DHRSX: variants seen among roughly 807,000 people sequenced by gnomAD.
DHRSX encodes the protein dehydrogenase/reductase X-linked.
DHRSX carries 31 observed loss-of-function variants against 34.0 expected under a neutral mutation model. That is an observed-to-expected ratio of 0.91 (90% CI 0.69 to 1.23). The LOEUF (loss-of-function observed/expected upper bound fraction) is 1.23. Among genes scored for constraint, DHRSX ranks in the 50% most tolerant of loss-of-function variants. The probability of loss-of-function intolerance (pLI) is 0.00; values close to 1 mark genes in which losing one functional copy is unlikely to be tolerated. For synonymous variants in DHRSX, 201 were observed against 183.8 expected, an observed-to-expected ratio of 1.09 and a Z score of -0.76; for missense variants, 414 against 428.1, an observed-to-expected ratio of 0.97 and a Z score of 0.29.
At chrX:2,307,485 G>C (rs2042112431) in intron 3 of DHRSX, among the ~76,000 whole-genome samples, 1 of 152,044 alleles carries the variant, frequency 6.6e-6, no homozygotes, top group Non-Finnish European at 1.5e-5. Flanking sequence ...AACAAGGCCG[G>C]GGGGTGGGTG....
chrX:2,276,837 GGAGA>G (rs766631316), intron 4 of DHRSX, among the ~76,000 whole-genome samples: 1 of 135,262 alleles, frequency 7.4e-6, no homozygotes, highest in Non-Finnish European at 1.6e-5. Flanking sequence ...GAGGGAACAG[GGAGA>G]GAGAGGGAGG....
chrX:2,226,608 G>C (rs1343287705), intron 6 of DHRSX, among the ~76,000 whole-genome samples: 1 of 152,172 alleles, frequency 6.6e-6, no homozygotes, highest in East Asian at 1.9e-4. Context: ...AGACCATCCT[G>C]GCTAACACAG....
intron 6 of DHRSX, among the ~76,000 whole-genome samples, chrX:2,227,733 AGGG>A (rs1222222018): frequency 1.1e-3 from 2 of 1,872 alleles, no homozygotes; most frequent in Non-Finnish European, 1.9e-3. Flanking sequence ...GGAGGGAGGG[AGGG>A]AGGGAAGGAT....
intron 1 of DHRSX, among the ~76,000 whole-genome samples, chrX:2,431,141 C>T (rs777404870): frequency 1.8e-4 from 27 of 152,008 alleles, no homozygotes; most frequent in Non-Finnish European, 2.5e-4. Flanking sequence ...CTGGCTAACA[C>T]GGTGAAACCC....
chrX:2,468,236 A>C (rs955540694), intron 1 of DHRSX, among the ~76,000 whole-genome samples: 1 of 152,142 alleles, frequency 6.6e-6, no homozygotes, highest in Admixed American at 6.5e-5. Context: ...GAAGCCTGTG[A>C]TGTGATTCAG....
intron 3 of DHRSX, among the ~76,000 whole-genome samples, chrX:2,397,717 C>T (rs1374548810): frequency 2.0e-5 from 3 of 152,086 alleles, no homozygotes; most frequent in Non-Finnish European, 4.4e-5. Context: ...TAAACCCACT[C>T]GATAATCTTT....
rs190988721 is a variant in DHRSX, at chrX:2,288,766, T to C, written c.388+2736A>G. 5.2e-4 allele frequency among the ~76,000 whole-genome samples: 79 copies of C among 152,316 alleles called. 1 individual carries two copies. The highest frequency in any genetic ancestry group is 9.1e-4 in the Non-Finnish European group (62 of 68,026). On this transcript the variant is annotated intron_variant, in intron 4 of 6. Coordinates refer to ENST00000334651, the MANE Select transcript of DHRSX (RefSeq NM_145177.3). ...AGTAAACCCAATATGTGCATGAGAT[T>C]TTCTACAGAAGAGATAGGGTACAGA...
chrX:2,489,528 C>G, intron 1 of DHRSX: 1 of 1,613,016 alleles, frequency 6.2e-7, no homozygotes, highest in Non-Finnish European at 8.5e-7. Flanking sequence ...AGGAGCTCCA[C>G]CAGCCCCTCG....
Position 2,243,810 on chromosome X carries a change from T to TTG in DHRSX, c.597-581_597-580insCA, listed in dbSNP as rs1569478906. 2.4e-4 allele frequency among the ~76,000 whole-genome samples: 26 copies of TTG among 108,176 alleles called. 2 individuals carry two copies. Among genetic ancestry groups the TTG allele is most frequent in the South Asian group, 6.0e-4 (2 of 3,346 alleles). 71.0% of individuals were successfully genotyped at this position (108,176 alleles called of 152,430 possible). A position where few individuals can be genotyped will look rare whatever the true frequency, so the allele number is the denominator to read the frequency against. The stretch of plus-strand genomic sequence containing the variant: ...CCTGTTTTTTTTTTTTTTTTTTTTT[T>TTG]TTTTTTTTTTTTGAGACAGATTCTC... On this transcript the variant is annotated intron_variant, in intron 5 of 6. Transcript: ENST00000334651.
chrX:2,366,333 C>T (rs1404357041), intron 3 of DHRSX, among the ~76,000 whole-genome samples: 3 of 151,514 alleles, frequency 2.0e-5, no homozygotes, highest in South Asian at 2.1e-4. Flanking sequence ...CCCAGCTACT[C>T]GGGAGGCTGA....
At chrX:2,461,821 T>A (rs2044406093) in intron 1 of DHRSX, among the ~76,000 whole-genome samples, 1 of 152,160 alleles carries the variant, frequency 6.6e-6, no homozygotes, top group Admixed American at 6.5e-5. Flanking sequence ...CACCTCTGCC[T>A]CCTCAGTAGC....
intron 4 of DHRSX, among the ~76,000 whole-genome samples, chrX:2,270,971 T>C (rs1302837449): frequency 2.0e-5 from 3 of 151,618 alleles, no homozygotes; most frequent in African/African-American, 7.3e-5. Flanking sequence ...CTCTGTAAAA[T>C]GGACCAGTCA....
At position 2,470,404 on chromosome X, in the gene DHRSX, TA is replaced by T. The variant is rs201130992; in HGVS notation, c.109+30412del. On this transcript the variant is annotated intron_variant, in intron 1 of 6. Coordinates refer to ENST00000334651, the MANE Select transcript of DHRSX (RefSeq NM_145177.3). The stretch of plus-strand genomic sequence containing the variant: ...TAATGAAACCCTATCTCTAAACAAA[TA>T]AAAAAAAAACTGAAAAAATTAACTG... Among the ~76,000 whole-genome samples the T allele has an allele frequency of 2.7e-3, 390 of 142,336 alleles. 7 individuals carry two copies. The highest frequency in any genetic ancestry group is 8.4e-3 in the African/African-American group (325 of 38,692). The allele number at this position is 142,336 out of a possible 152,430, so 93.4% of individuals were successfully genotyped here.
intron 5 of DHRSX, among the ~76,000 whole-genome samples, chrX:2,252,958 G>A: frequency 6.6e-6 from 1 of 152,348 alleles, no homozygotes; most frequent in Admixed American, 6.5e-5. Flanking sequence ...CACTAAGGCA[G>A]GCAGGTCGCT....
intron 2 of DHRSX, 75 bp downstream of exon 2, chrX:2,425,122 C>T (rs773322329): frequency 1.2e-4 from 142 of 1,159,200 alleles, no homozygotes; most frequent in Non-Finnish European, 1.5e-4. Flanking sequence ...CACGGGTTGA[C>T]GGACTGCGAT....
chrX:2,457,980 C>T (rs757719738), intron 1 of DHRSX, among the ~76,000 whole-genome samples: 1 of 148,994 alleles, frequency 6.7e-6, no homozygotes, highest in Admixed American at 6.7e-5. Context: ...GCTAAGGGAC[C>T]ACCGCAGTGT....
chrX:2,225,909 G>A (rs935925491), intron 6 of DHRSX, among the ~76,000 whole-genome samples: 39 of 151,358 alleles, frequency 2.6e-4, no homozygotes, highest in Non-Finnish European at 2.6e-4. Flanking sequence ...GAAATGGACT[G>A]AGACAGCTCA....
intron 3 of DHRSX, among the ~76,000 whole-genome samples, chrX:2,348,462 T>A (rs1206043386): frequency 1.3e-5 from 2 of 152,056 alleles, no homozygotes; most frequent in Non-Finnish European, 2.9e-5. Context: ...TCTGGATGTG[T>A]GGGGTTTTAT....
At chrX:2,259,494 C>G (rs1169945546) in intron 5 of DHRSX, among the ~76,000 whole-genome samples, 1 of 151,974 alleles carries the variant, frequency 6.6e-6, no homozygotes, top group African/African-American at 2.4e-5. Flanking sequence ...TGAGCTGGCT[C>G]TGGCTCTCAA....
Sources: allele counts gnomAD v4.1 joint callset (sites outside exome capture counted in the v4.1 genomes callset), GRCh38; gene constraint gnomAD v4.1.1; transcripts MANE v1.5; gene names NCBI Gene and HGNC (gene_info 2026-07-23, HGNC 2026-07-21).